The following MROH1 variants were observed in gnomAD, a reference collection of about 807,000 sequenced individuals.
The protein encoded by MROH1 is maestro heat-like repeat-containing protein family member 1.
MROH1 carries 117 observed loss-of-function variants against 116.5 expected under a neutral mutation model. The ratio of observed to expected loss-of-function variants is 1.00; its 90% CI spans 0.86 to 1.17. MROH1 has a LOEUF of 1.17. MROH1 is among the 50% of genes most tolerant of loss of function. MROH1 has a pLI of 0.00. For missense variants in MROH1, 1,873 were observed against 1,338.5 expected (o/e 1.40, Z -6.23); for synonymous variants, 921 against 583.9 (o/e 1.58, Z -8.32).
intron 3 of MROH1, among the ~76,000 whole-genome samples, chr8:144,165,731 C>T (rs924825871): frequency 1.3e-5 from 2 of 151,192 alleles, no homozygotes; most frequent in Non-Finnish European, 1.5e-5. Context: ...CATGCCACTA[C>T]GCCGTAATTT....
At chr8:144,175,476 T>G in intron 4 of MROH1, 1 of 985,180 alleles carries the variant, frequency 1.0e-6, no homozygotes. Flanking sequence ...GATTTTCAAT[T>G]CTTTCCTCCC....
intron 7 of MROH1, among the ~76,000 whole-genome samples, chr8:144,189,255 G>C (rs573475869): frequency 9.1e-4 from 138 of 152,264 alleles, no homozygotes; most frequent in African/African-American, 2.8e-3. Context: ...TCCCCGTGCG[G>C]TGGGTGCATC....
intron 7 of MROH1, among the ~76,000 whole-genome samples, chr8:144,188,803 A>C (rs1173895370): frequency 6.6e-6 from 1 of 152,124 alleles, no homozygotes; most frequent in Admixed American, 6.5e-5. Flanking sequence ...TGAGGCACAA[A>C]GAGGCTGAAT....
chr8:144,224,069 C>T (rs1389377267), intron 14 of MROH1, among the ~76,000 whole-genome samples: 1 of 152,200 alleles, frequency 6.6e-6, no homozygotes, highest in Non-Finnish European at 1.5e-5. Context: ...CTGACCTCAG[C>T]GTCTCCATGG....
At chr8:144,187,801 C>T (rs1827565724) in intron 7 of MROH1, among the ~76,000 whole-genome samples, 1 of 152,192 alleles carries the variant, frequency 6.6e-6, no homozygotes, top group Non-Finnish European at 1.5e-5. Flanking sequence ...GATTTTTTGT[C>T]TGGGTGGCGC....
At chr8:144,179,959 TC>T in intron 5 of MROH1, among the ~76,000 whole-genome samples, 1 of 15,716 alleles carries the variant, frequency 6.4e-5, no homozygotes, top group South Asian at 9.4e-3. Flanking sequence ...GTGTGGGGTC[TC>T]CTCAGCAGCC....
At chr8:144,188,378 C>A (rs1827723244) in intron 7 of MROH1, among the ~76,000 whole-genome samples, 2 of 151,836 alleles carry the variant, frequency 1.3e-5, no homozygotes, top group Non-Finnish European at 2.9e-5. Flanking sequence ...CCAACCTGGC[C>A]CTCTGCACCA....
At chr8:144,206,536 C>A (rs1832850659) in intron 12 of MROH1, among the ~76,000 whole-genome samples, 1 of 151,494 alleles carries the variant, frequency 6.6e-6, no homozygotes. Context: ...GATTCTCCTG[C>A]CTCAGCTTCC....
At chr8:144,211,507 C>T (rs756568978) in intron 12 of MROH1, among the ~76,000 whole-genome samples, 1 of 151,948 alleles carries the variant, frequency 6.6e-6, no homozygotes, top group African/African-American at 2.4e-5. Flanking sequence ...AGGTGGATCA[C>T]GAGGTCAGGA....
At chr8:144,236,517 G>A (rs1359454520) in intron 14 of MROH1, among the ~76,000 whole-genome samples, 1 of 152,106 alleles carries the variant, frequency 6.6e-6, no homozygotes, top group Non-Finnish European at 1.5e-5. Context: ...GAGGTGGGTG[G>A]ATCACTTGAA....
At chr8:144,149,651 C>G (rs1350713158) in intron 1 of MROH1, among the ~76,000 whole-genome samples, 6 of 152,134 alleles carry the variant, frequency 3.9e-5, no homozygotes, top group African/African-American at 1.4e-4. Context: ...CTGTCTGTGC[C>G]GGTCCACCCA....
At chr8:144,156,092 G>T (rs1343072591) in intron 1 of MROH1, among the ~76,000 whole-genome samples, 1 of 151,914 alleles carries the variant, frequency 6.6e-6, no homozygotes, top group African/African-American at 2.4e-5. Context: ...TACAAAATTA[G>T]CTGGGCGTGG....
intron 9 of MROH1, 46 bp downstream of exon 9, chr8:144,191,901 A>T (rs751537065): frequency 3.5e-5 from 56 of 1,608,784 alleles, no homozygotes; most frequent in Admixed American, 5.0e-5. Context: ...GACCCCTCCA[A>T]TCAGACTCCC....
intron 14 of MROH1, among the ~76,000 whole-genome samples, chr8:144,237,481 G>A (rs966231858): frequency 5.9e-5 from 9 of 152,286 alleles, no homozygotes; most frequent in East Asian, 1.9e-4. Context: ...TGGGAAGCTC[G>A]CTCCTTTATT....
intron 7 of MROH1, among the ~76,000 whole-genome samples, chr8:144,187,251 A>G (rs1420126678): frequency 6.6e-6 from 1 of 152,126 alleles, no homozygotes; most frequent in East Asian, 1.9e-4. Flanking sequence ...GTTTCTAAAA[A>G]AATATAAAAT....
intron 33 of MROH1, among the ~76,000 whole-genome samples, chr8:144,253,061 G>A (rs1843104648): frequency 6.6e-6 from 1 of 151,628 alleles, no homozygotes; most frequent in Non-Finnish European, 1.5e-5. Flanking sequence ...GGCCAAGGCA[G>A]GAGAATCGCT....
chr8:144,222,236 G>A (rs2132416055), intron 13 of MROH1, among the ~76,000 whole-genome samples: 1 of 152,294 alleles, frequency 6.6e-6, no homozygotes, highest in South Asian at 2.1e-4. Flanking sequence ...GCTGGGGGTT[G>A]GGGGCAGGGT....
chr8:144,221,411 T>A (rs113631852), intron 13 of MROH1, among the ~76,000 whole-genome samples: 9,190 of 152,104 alleles, frequency 0.06, 956 homozygotes, highest in African/African-American at 0.21. Context: ...GGTGGATCTT[T>A]GCGAAAGTTA....
intron 7 of MROH1, among the ~76,000 whole-genome samples, chr8:144,188,783 G>A (rs56345720): frequency 0.01 from 1,581 of 152,194 alleles, 27 homozygotes; most frequent in African/African-American, 0.037. Context: ...CATTTTATAA[G>A]TGAGGAAACT....
Sources: allele counts gnomAD v4.1 joint callset (sites outside exome capture counted in the v4.1 genomes callset), GRCh38; gene constraint gnomAD v4.1.1; transcripts MANE v1.5; gene names NCBI Gene and HGNC (gene_info 2026-07-23, HGNC 2026-07-21).